PDE8B: variants seen among roughly 807,000 people sequenced by gnomAD.
PDE8B encodes the protein high affinity cAMP-specific and IBMX-insensitive 3',5'-cyclic phosphodiesterase 8B.
In PDE8B, 26 loss-of-function variants were observed where a neutral mutation model predicts 101.3. The observed-to-expected ratio is 0.26, with a 90% CI of 0.19 to 0.36. The LOEUF (loss-of-function observed/expected upper bound fraction) is 0.36, where lower values mean the gene tolerates loss of function less well. PDE8B is among the 10% of genes least tolerant of loss of function. The probability of loss-of-function intolerance (pLI) is 1.00; values close to 1 mark genes in which losing one functional copy is unlikely to be tolerated. For missense variants in PDE8B, 810 were observed against 1,163.1 expected, an observed-to-expected ratio of 0.70 and a Z score of 4.42; for synonymous variants, 424 against 429.3, an observed-to-expected ratio of 0.99 and a Z score of 0.15.
rs764734743 is a variant in PDE8B, at chr5:77,353,377, C to T, written c.1138C>T (p.Leu380=). The change falls in exon 10 of 22, where the codon CTG becomes TTG. Residue 380 remains leucine, a synonymous_variant. Coordinates refer to ENST00000264917, the MANE Select transcript of PDE8B (RefSeq NM_003719.5). ...KIRHFVSLKK[L]CCTTDNNKQI... is the part of the protein sequence containing the mutation. ...TAGGCATTTTGTCTCGCTCAAGAAA[C>T]TGTGTTGTACCACTGACAATAATAA... The T allele has an allele frequency of 1.1e-5, 18 of 1,603,612 alleles. No homozygotes were observed. The African/African-American group carries it at 2.3e-4, about 20-fold the overall frequency.
intron 10 of PDE8B, among the ~76,000 whole-genome samples, chr5:77,358,059 T>A (rs987615993): frequency 2.0e-5 from 3 of 152,120 alleles, no homozygotes; most frequent in African/African-American, 7.2e-5. Flanking sequence ...TCCCTTACCT[T>A]TCTAGGGGTG....
chr5:77,354,222 T>G (rs1225089901), intron 10 of PDE8B, among the ~76,000 whole-genome samples: 3 of 152,160 alleles, frequency 2.0e-5, no homozygotes, highest in Admixed American at 1.3e-4. Context: ...GGAGATCAAC[T>G]GGAACCAGCA....
intron 14 of PDE8B, among the ~76,000 whole-genome samples, chr5:77,409,659 G>A (rs903693827): frequency 2.0e-5 from 3 of 151,980 alleles, no homozygotes; most frequent in East Asian, 3.9e-4. Context: ...ACCTATTCTG[G>A]TGTTTTGCTG....
At chr5:77,238,575 G>A (rs955725458) in intron 1 of PDE8B, among the ~76,000 whole-genome samples, 1 of 152,092 alleles carries the variant, frequency 6.6e-6, no homozygotes, top group African/African-American at 2.4e-5. Flanking sequence ...ATATTACTGA[G>A]GGCTCTTCAT....
chr5:77,129,230 C>G, the PDE8B span, among the ~76,000 whole-genome samples: 35,308 of 151,944 alleles, frequency 0.23, 4,412 homozygotes, highest in East Asian at 0.33. Context: ...CATCATGGGT[C>G]TCTAGTTGTT....
chr5:77,405,988 T>C (rs1197188181), intron 12 of PDE8B, among the ~76,000 whole-genome samples: 1 of 152,090 alleles, frequency 6.6e-6, no homozygotes, highest in Non-Finnish European at 1.5e-5. Flanking sequence ...AGACTGAGTA[T>C]GAAAGTGGCT....
chr5:77,115,814 A>G, the PDE8B span, among the ~76,000 whole-genome samples: 1 of 152,206 alleles, frequency 6.6e-6, no homozygotes, highest in African/African-American at 2.4e-5. Context: ...CTGGAGGTAC[A>G]GTATTGTGTC....
At chr5:77,366,142 G>A (rs1352272586) in intron 10 of PDE8B, among the ~76,000 whole-genome samples, 1 of 152,108 alleles carries the variant, frequency 6.6e-6, no homozygotes, top group Non-Finnish European at 1.5e-5. Flanking sequence ...GATAGGGGAA[G>A]TAATAGTGTG....
chr5:77,142,569 A>G, the PDE8B span, among the ~76,000 whole-genome samples: 1 of 152,128 alleles, frequency 6.6e-6, no homozygotes, highest in African/African-American at 2.4e-5. Flanking sequence ...TTAATTCAGT[A>G]ATTTCTCAAG....
chr5:77,195,130 C>A, the PDE8B span, among the ~76,000 whole-genome samples: 2 of 152,154 alleles, frequency 1.3e-5, no homozygotes, highest in South Asian at 4.1e-4. Flanking sequence ...CTGGGAACTC[C>A]AAGATCAAGG....
At chr5:77,147,442 A>T in the PDE8B span, 1 of 152,886 alleles carries the variant, frequency 6.5e-6, no homozygotes, top group Non-Finnish European at 1.5e-5. Flanking sequence ...CACAGCACAA[A>T]TTAGTTATAC....
chr5:77,374,942 T>C (rs1353930320), intron 10 of PDE8B, among the ~76,000 whole-genome samples: 1 of 152,120 alleles, frequency 6.6e-6, no homozygotes, highest in East Asian at 1.9e-4. Context: ...GCCTACAGAC[T>C]ACAGACAGAA....
chr5:77,091,686 C>A, the PDE8B span, among the ~76,000 whole-genome samples: 3 of 152,030 alleles, frequency 2.0e-5, no homozygotes, highest in African/African-American at 7.2e-5. Flanking sequence ...AGAAAAGTAA[C>A]TAGTATAAAC....
the PDE8B span, among the ~76,000 whole-genome samples, chr5:77,164,347 G>C: frequency 6.6e-6 from 1 of 152,132 alleles, no homozygotes. Flanking sequence ...TCTAAAAATT[G>C]TATGCGATAA....
At chr5:77,098,097 G>A in the PDE8B span, among the ~76,000 whole-genome samples, 1 of 152,014 alleles carries the variant, frequency 6.6e-6, no homozygotes, top group East Asian at 1.9e-4. Flanking sequence ...GTCTAAGGGA[G>A]CAAGGAGAGT....
At chr5:77,359,134 C>T (rs960306710) in intron 10 of PDE8B, among the ~76,000 whole-genome samples, 4 of 151,898 alleles carry the variant, frequency 2.6e-5, no homozygotes, top group African/African-American at 7.3e-5. Flanking sequence ...GGCTTGCAGC[C>T]GGGAGGAGGG....
At chr5:77,326,405 G>A (rs920795255) in intron 3 of PDE8B, among the ~76,000 whole-genome samples, 7 of 152,222 alleles carry the variant, frequency 4.6e-5, no homozygotes, top group Non-Finnish European at 7.3e-5. Context: ...CCAAGACAGA[G>A]TCCAGTTGCA....
At chr5:77,129,396 T>C in the PDE8B span, among the ~76,000 whole-genome samples, 1 of 152,254 alleles carries the variant, frequency 6.6e-6, no homozygotes, top group South Asian at 2.1e-4. Context: ...GGATCTAGAA[T>C]TCTAAGCATA....
Position 77,426,142 on chromosome 5 carries a change from A to T in PDE8B, c.2548+246A>T, listed in dbSNP as rs1030950501. The stretch of plus-strand genomic sequence containing the variant: ...AAACGAGTCTCTGCCTCTTCAAAGG[A>T]CACGCTGCCAAAGCTTACTGCAGTG... On this transcript the variant is annotated intron_variant, in intron 21 of 21. Coordinates refer to ENST00000264917, the MANE Select transcript of PDE8B (RefSeq NM_003719.5). 38 of 596,098 alleles carry T rather than the reference A, an allele frequency of 6.4e-5. No individual in the cohort carries two copies. The African/African-American group carries it at 7.1e-4, about 11-fold the overall frequency. 36.9% of individuals were successfully genotyped at this position (596,098 alleles called of 1,614,324 possible).
Sources: gnomAD v4.1 joint callset for allele counts (sites outside exome capture counted in the v4.1 genomes callset) on GRCh38, gnomAD v4.1.1 for gene constraint, MANE v1.5 for transcripts, NCBI Gene and HGNC (gene_info 2026-07-23, HGNC 2026-07-21) for gene names.